SERPINB12: variants seen among roughly 807,000 people sequenced by gnomAD.
SERPINB12 encodes the protein serpin B12.
In SERPINB12, 57 loss-of-function variants were observed where a neutral mutation model predicts 41.1. The ratio of observed to expected loss-of-function variants is 1.39; its 90% CI spans 1.12 to 1.73. The LOEUF (loss-of-function observed/expected upper bound fraction) is 1.73. SERPINB12 is among the 40% of genes most tolerant of loss of function. SERPINB12 has a pLI of 0.00. For synonymous variants in SERPINB12, 180 were observed against 181.3 expected (o/e 0.99, Z 0.06); for missense variants, 536 against 501.9 (o/e 1.07, Z -0.65).
At chr18:63,548,508 C>T (rs1429037283) in intron 1 of SERPINB12, among the ~76,000 whole-genome samples, 1 of 151,546 alleles carries the variant, frequency 6.6e-6, no homozygotes, top group Non-Finnish European at 1.5e-5. Flanking sequence ...AAAAACAATT[C>T]TATAATAACA....
chr18:63,560,073 G>A (rs1910851195), intron 4 of SERPINB12, among the ~76,000 whole-genome samples: 1 of 152,158 alleles, frequency 6.6e-6, no homozygotes, highest in African/African-American at 2.4e-5. Flanking sequence ...TCCCTTATCT[G>A]TTAGGTGCCC....
rs944864988 is a variant in SERPINB12 at position 63,565,331 on chromosome 18, TCTC to T, written c.706-111_706-109del. ...TGGATCCCTGGTGTGGCTCAGGACT[TCTC>T]CTGCAGAACCTTCTCATCTTTAGGA... is the stretch of plus-strand genomic sequence containing the variant. On this transcript the variant is annotated intron_variant, in intron 6 of 7. Coordinates refer to ENST00000382768, the MANE Select transcript of SERPINB12 (RefSeq NM_001307928.2). 3 of 949,880 alleles carry T rather than the reference TCTC, an allele frequency of 3.2e-6. No individual in the cohort carries two copies. In the African/African-American group the frequency reaches 5.0e-5, roughly 16 times the overall value. 58.8% of individuals were successfully genotyped at this position (949,880 alleles called of 1,614,324 possible). A position where few individuals can be genotyped will look rare whatever the true frequency, so the allele number is the denominator to read the frequency against.
intron 1 of SERPINB12, among the ~76,000 whole-genome samples, chr18:63,542,871 T>A (rs1165360084): frequency 2.6e-5 from 4 of 152,196 alleles, no homozygotes; most frequent in Admixed American, 6.5e-5. Flanking sequence ...TAGCTCCCAC[T>A]TATAAGTTAG....
chr18:63,521,583 C>T, the SERPINB12 span, among the ~76,000 whole-genome samples: 73 of 152,262 alleles, frequency 4.8e-4, 1 homozygote, highest in East Asian at 0.012. Context: ...CAGCATTAGT[C>T]TGCTAGGATT....
At chr18:63,556,434 C>A in intron 2 of SERPINB12, 107 bp downstream of exon 2, 1 of 1,006,186 alleles carries the variant, frequency 9.9e-7, no homozygotes, top group Non-Finnish European at 1.5e-6. Flanking sequence ...GCACCCTGGG[C>A]TTGGTCAGAA....
the SERPINB12 span, among the ~76,000 whole-genome samples, chr18:63,534,821 C>T: frequency 1.3e-5 from 2 of 152,086 alleles, no homozygotes; most frequent in African/African-American, 2.4e-5. Flanking sequence ...GAGGAGGAAG[C>T]TGTTTTCCTG....
At position 63,565,531 on chromosome 18, in the gene SERPINB12, AAT is replaced by A. The variant is rs1300056345; in HGVS notation, c.793_794del (p.Met265GlufsTer18). The A allele has an allele frequency of 9.3e-6, 15 of 1,614,120 alleles. No individual in the cohort carries two copies. In the African/African-American group the frequency reaches 2.0e-4, roughly 22 times the overall value. On this transcript the variant is annotated frameshift_variant, in exon 7 of 8. Coordinates refer to ENST00000382768, the MANE Select transcript of SERPINB12 (RefSeq NM_001307928.2). LOFTEE classifies it high-confidence loss of function. Reference sequence around the variant, plus strand: ...AGGAGGTGAAGGCACAGATCCTGGAAATGAGGTACACCAAGGGGAAGCTCAGC... The same window carrying A: ...AGGAGGTGAAGGCACAGATCCTGGAAGAGGTACACCAAGGGGAAGCTCAGC... Reference protein sequence around the residue: ...IEEVKAQILEMRYTKGKLSMF... With the variant: ...IEEVKAQILEXRYTKGKLSMF...
intron 3 of SERPINB12, 64 bp downstream of exon 3, chr18:63,558,550 G>A (rs1022209881): frequency 6.6e-7 from 1 of 1,509,002 alleles, no homozygotes; most frequent in Non-Finnish European, 8.9e-7. Flanking sequence ...CTGGCTGTAG[G>A]ATATTTGGTG....
the SERPINB12 span, among the ~76,000 whole-genome samples, chr18:63,532,651 A>C: frequency 6.6e-6 from 1 of 152,054 alleles, no homozygotes; most frequent in Non-Finnish European, 1.5e-5. Flanking sequence ...AGGTTGTTTG[A>C]GATTAAAGAG....
chr18:63,554,724 T>A (rs1910620313), intron 1 of SERPINB12, among the ~76,000 whole-genome samples: 1 of 152,162 alleles, frequency 6.6e-6, no homozygotes, highest in South Asian at 2.1e-4. Context: ...TGGTTCTATA[T>A]TATCTGTAGT....
At chr18:63,530,505 ACTT>A in the SERPINB12 span, among the ~76,000 whole-genome samples, 1 of 152,138 alleles carries the variant, frequency 6.6e-6, no homozygotes, top group African/African-American at 2.4e-5. Flanking sequence ...GCTTGCTTCT[ACTT>A]CTTGACCTAG....
chr18:63,527,567 C>A, the SERPINB12 span, among the ~76,000 whole-genome samples: 1 of 152,012 alleles, frequency 6.6e-6, no homozygotes, highest in East Asian at 1.9e-4. Context: ...CAGTGAGCTG[C>A]TTTTTTATAC....
chr18:63,550,972 C>A (rs1910509538), intron 1 of SERPINB12, among the ~76,000 whole-genome samples: 1 of 152,108 alleles, frequency 6.6e-6, no homozygotes, highest in Non-Finnish European at 1.5e-5. Context: ...TGGAATCATA[C>A]AGTATGAAAG....
the SERPINB12 span, among the ~76,000 whole-genome samples, chr18:63,529,714 T>G: frequency 1.3e-5 from 2 of 152,126 alleles, no homozygotes; most frequent in African/African-American, 2.4e-5. Flanking sequence ...CCTACCTGTA[T>G]GTATAGTTTG....
chr18:63,543,269 T>A (rs1216452733), intron 1 of SERPINB12, among the ~76,000 whole-genome samples: 1 of 152,194 alleles, frequency 6.6e-6, no homozygotes, highest in East Asian at 1.9e-4. Flanking sequence ...TGAGGCATCA[T>A]AAGTGCAGGG....
chr18:63,567,386 G>A lies in SERPINB12; in HGVS notation c.*375G>A, dbSNP rs191709124. Among the ~76,000 whole-genome samples the A allele has an allele frequency of 2.4e-4, 36 of 152,330 alleles. No homozygotes were observed. In the East Asian group the frequency reaches 6.6e-3, roughly 28 times the overall value. On this transcript the variant is annotated 3_prime_UTR_variant, in exon 8 of 8. Transcript: ENST00000382768. ...TTTAACATGGGCAGCAAGAGAACAT[G>A]TTTGACTGGAACGTGTTTGGAAACT...
In SERPINB12 at chr18:63,556,235, A is replaced by G. The variant is rs1214639924; in HGVS notation, c.76A>G (p.Lys26Glu). 1.2e-6 allele frequency: 2 copies of G among 1,614,112 alleles called. No homozygotes were observed. The highest frequency in any genetic ancestry group is 1.7e-6 in the Non-Finnish European group (2 of 1,179,978). ...FQEIGKDDRH[K>E]NIFFSPLSLS... Reference sequence around the variant, plus strand: ...AGAGATAGGCAAAGATGATCGTCATAAAAACATATTTTTCTCTCCCCTGAG... The same window carrying G: ...AGAGATAGGCAAAGATGATCGTCATGAAAACATATTTTTCTCTCCCCTGAG... Residue 26 changes from lysine to glutamate, a missense_variant, in exon 2 of 8, where the codon AAA becomes GAA. Coordinates refer to ENST00000382768, the MANE Select transcript of SERPINB12 (RefSeq NM_001307928.2).
chr18:63,566,484 C>A, intron 7 of SERPINB12, 123 bp from the exon 8 acceptor site: 2 of 803,182 alleles, frequency 2.5e-6, no homozygotes, highest in Non-Finnish European at 2.0e-6. Flanking sequence ...TATTCTCTAG[C>A]TTAGGGAAAG....
rs955320517 is a variant in SERPINB12 at position 63,567,891 on chromosome 18, C to T, written c.*880C>T. ...ATTGTGGACGGCTGGCCTCCGTATGCCCCTCTCTCTGCCTTCTGGCCACGT... is the reference window on the plus strand; with the variant it reads ...ATTGTGGACGGCTGGCCTCCGTATGTCCCTCTCTCTGCCTTCTGGCCACGT... On this transcript the variant is annotated 3_prime_UTR_variant, in exon 8 of 8. Transcript: ENST00000382768. Among the ~76,000 whole-genome samples the T allele has an allele frequency of 1.3e-5, 2 of 152,174 alleles. No homozygotes were observed. Among genetic ancestry groups the T allele is most frequent in the Non-Finnish European group, 2.9e-5 (2 of 68,030 alleles).
Sources: gnomAD v4.1 joint callset for allele counts (sites outside exome capture counted in the v4.1 genomes callset) on GRCh38, gnomAD v4.1.1 for gene constraint, MANE v1.5 for transcripts, NCBI Gene and HGNC (gene_info 2026-07-23, HGNC 2026-07-21) for gene names.